The following CSMD1 variants were observed in gnomAD, a reference collection of about 807,000 sequenced individuals.
CSMD1 encodes the protein CUB and Sushi multiple domains 1, also known as CUB and sushi domain-containing protein 1.
Under a neutral mutation model 417.5 loss-of-function variants are expected in CSMD1, and 213 were observed. The observed-to-expected ratio is 0.51, with a 90% CI of 0.46 to 0.57. The LOEUF (loss-of-function observed/expected upper bound fraction) is 0.57, where lower values mean the gene tolerates loss of function less well. Ranked by LOEUF, CSMD1 falls within the 20% of genes least tolerant of loss-of-function variation. The pLI is 0.00. For synonymous variants in CSMD1, 2,862 were observed against 1,736.8 expected, an observed-to-expected ratio of 1.65 and a Z score of -16.11; for missense variants, 6,923 against 4,529.7, an observed-to-expected ratio of 1.53 and a Z score of -15.17.
chr8:4,115,784 G>T (rs369835094), intron 3 of CSMD1, among the ~76,000 whole-genome samples: 5 of 151,836 alleles, frequency 3.3e-5, no homozygotes, highest in African/African-American at 1.2e-4. Flanking sequence ...GCCATGAAAA[G>T]TCATGGTGGA....
chr8:4,880,086 G>C lies in CSMD1; in HGVS notation c.85+114246C>G, dbSNP rs181151276. ...CTTTCTGCTGAACTTATTAGTTTTGGCCGTTGTAATCTTATTATTTCGGTC... is the reference window on the plus strand; with the variant it reads ...CTTTCTGCTGAACTTATTAGTTTTGCCCGTTGTAATCTTATTATTTCGGTC... On this transcript the variant is annotated intron_variant, in intron 1 of 69. Coordinates refer to ENST00000635120, the MANE Select transcript of CSMD1 (RefSeq NM_033225.6). Among the ~76,000 whole-genome samples the C allele has an allele frequency of 1.8e-3, 274 of 152,074 alleles. 4 individuals carry two copies. The highest frequency in any genetic ancestry group is 6.2e-3 in the African/African-American group (257 of 41,412).
At chr8:3,672,938 G>T (rs1004306114) in intron 7 of CSMD1, among the ~76,000 whole-genome samples, 3 of 152,148 alleles carry the variant, frequency 2.0e-5, no homozygotes, top group African/African-American at 7.2e-5. Flanking sequence ...TCACCCCAAG[G>T]AGAATCAATA....
At chr8:4,366,972 A>G (rs947899098) in intron 3 of CSMD1, among the ~76,000 whole-genome samples, 1 of 152,042 alleles carries the variant, frequency 6.6e-6, no homozygotes, top group Admixed American at 6.6e-5. Context: ...TACTCTGCAA[A>G]TATTTTCTCC....
At chr8:3,118,977 A>C (rs1585397926) in intron 41 of CSMD1, among the ~76,000 whole-genome samples, 1 of 152,150 alleles carries the variant, frequency 6.6e-6, no homozygotes, top group African/African-American at 2.4e-5. Flanking sequence ...TCAGGAGATC[A>C]AGACCATCCT....
chr8:4,258,785 G>A (rs992328535), intron 3 of CSMD1, among the ~76,000 whole-genome samples: 2 of 152,090 alleles, frequency 1.3e-5, no homozygotes, highest in Non-Finnish European at 2.9e-5. Context: ...GTAACCAGCT[G>A]AATATTTAGA....
intron 1 of CSMD1, among the ~76,000 whole-genome samples, chr8:4,753,646 C>G (rs1297549279): frequency 1.3e-5 from 2 of 152,176 alleles, no homozygotes; most frequent in Non-Finnish European, 2.9e-5. Context: ...AGGACATGAC[C>G]TTTTGATGCT....
chr8:3,766,153 G>T (rs956889025), intron 5 of CSMD1, among the ~76,000 whole-genome samples: 2 of 152,196 alleles, frequency 1.3e-5, no homozygotes, highest in African/African-American at 4.8e-5. Flanking sequence ...TTCTCTGTGG[G>T]TGTGTACTTT....
intron 31 of CSMD1, among the ~76,000 whole-genome samples, chr8:3,202,493 A>C (rs1365605632): frequency 6.6e-6 from 1 of 152,212 alleles, no homozygotes; most frequent in African/African-American, 2.4e-5. Flanking sequence ...TGTGACTTCA[A>C]ATTTAACTGA....
chr8:4,367,467 C>T (rs1439291829), intron 3 of CSMD1, among the ~76,000 whole-genome samples: 1 of 152,114 alleles, frequency 6.6e-6, no homozygotes, highest in South Asian at 2.1e-4. Flanking sequence ...TGTAGTCCTG[C>T]AGTACAGTTT....
intron 1 of CSMD1, among the ~76,000 whole-genome samples, chr8:4,899,954 A>G (rs763989744): frequency 1.3e-5 from 2 of 152,178 alleles, no homozygotes; most frequent in African/African-American, 4.8e-5. Context: ...TTTAAGAAAT[A>G]GTTGTTAAAT....
intron 2 of CSMD1, among the ~76,000 whole-genome samples, chr8:4,428,720 A>AT (rs1797702093): frequency 6.6e-6 from 1 of 151,908 alleles, no homozygotes; most frequent in Admixed American, 6.6e-5. Context: ...TATTTTGTGT[A>AT]TTATTTATTT....
chr8:3,593,503 A>G (rs1283083002), intron 8 of CSMD1, among the ~76,000 whole-genome samples: 1 of 152,196 alleles, frequency 6.6e-6, no homozygotes, highest in Admixed American at 6.5e-5. Context: ...CACTAAGGCC[A>G]AAATGCCCTC....
At chr8:3,810,590 C>A (rs924215482) in intron 5 of CSMD1, among the ~76,000 whole-genome samples, 1 of 152,070 alleles carries the variant, frequency 6.6e-6, no homozygotes, top group African/African-American at 2.4e-5. Context: ...GAGGCTTCTC[C>A]GACAGTTCTC....
At chr8:4,381,962 T>G (rs1803134436) in intron 3 of CSMD1, among the ~76,000 whole-genome samples, 1 of 152,090 alleles carries the variant, frequency 6.6e-6, no homozygotes, top group Non-Finnish European at 1.5e-5. Flanking sequence ...CTGCACTAAG[T>G]GGACACTCTC....
intron 5 of CSMD1, among the ~76,000 whole-genome samples, chr8:3,814,695 T>A (rs530572941): frequency 3.2e-4 from 48 of 152,292 alleles, no homozygotes; most frequent in Middle Eastern, 6.8e-3. Context: ...AGCTTAGCCC[T>A]CTGGTGATCG....
rs183180238 is a variant in CSMD1 at position 3,489,721 on chromosome 8, T to C, written c.1448+3902A>G. 1.2e-4 allele frequency among the ~76,000 whole-genome samples: 19 copies of C among 152,302 alleles called. 1 individual carries two copies. In the South Asian group the frequency reaches 3.7e-3, roughly 30 times the overall value. On this transcript the variant is annotated intron_variant, in intron 11 of 69. Coordinates refer to ENST00000635120, the MANE Select transcript of CSMD1 (RefSeq NM_033225.6). ...TAAAAATTAACAAAATGAGAAGTCATTGCCAGAAATAAGAATTTTTAAAAC... is the reference window on the plus strand; with the variant it reads ...TAAAAATTAACAAAATGAGAAGTCACTGCCAGAAATAAGAATTTTTAAAAC...
chr8:3,736,696 G>A (rs13266405), intron 6 of CSMD1, among the ~76,000 whole-genome samples: 1 of 151,978 alleles, frequency 6.6e-6, no homozygotes, highest in African/African-American at 2.4e-5. Context: ...AATGGAGCTG[G>A]GGATAAGGAC....
At chr8:4,177,036 A>G (rs1462546674) in intron 3 of CSMD1, among the ~76,000 whole-genome samples, 1 of 152,176 alleles carries the variant, frequency 6.6e-6, no homozygotes, top group African/African-American at 2.4e-5. Context: ...CAGAAAGTCA[A>G]CAAGGATATC....
intron 3 of CSMD1, among the ~76,000 whole-genome samples, chr8:4,116,400 T>A (rs1020805956): frequency 1.3e-5 from 2 of 151,836 alleles, no homozygotes; most frequent in Non-Finnish European, 1.5e-5. Context: ...ACACCATGAA[T>A]GAACCCTAAC....
Sources: allele counts gnomAD v4.1 joint callset (sites outside exome capture counted in the v4.1 genomes callset), GRCh38; gene constraint gnomAD v4.1.1; transcripts MANE v1.5; gene names NCBI Gene and HGNC (gene_info 2026-07-23, HGNC 2026-07-21).